Variants in KLHL32 observed in about 807,000 individuals in gnomAD.
KLHL32 encodes the protein kelch like family member 32.
KLHL32 carries 35 observed loss-of-function variants against 64.8 expected under a neutral mutation model. That is an observed-to-expected ratio of 0.54 (90% confidence interval 0.41 to 0.72). The LOEUF (loss-of-function observed/expected upper bound fraction) is 0.72. Ranked by LOEUF, KLHL32 falls within the 30% of genes least tolerant of loss-of-function variation. The pLI, the probability that KLHL32 is intolerant of heterozygous loss-of-function variation, is 0.00. For missense variants in KLHL32, 589 were observed against 768.5 expected, an observed-to-expected ratio of 0.77 and a Z score of 2.76; for synonymous variants, 259 against 281.0, an observed-to-expected ratio of 0.92 and a Z score of 0.78.
chr6:97,026,890 G>A (rs1457226491), intron 3 of KLHL32, among the ~76,000 whole-genome samples: 9 of 152,096 alleles, frequency 5.9e-5, no homozygotes, highest in African/African-American at 1.7e-4. Context: ...AGGGCTGGGC[G>A]TAGTGGCTTA....
At chr6:96,922,814 G>A (rs552112748), upstream of KLHL32, among the ~76,000 whole-genome samples, 1 of 152,202 alleles carries the variant, frequency 6.6e-6, no homozygotes, top group Admixed American at 6.5e-5. Context: ...GTTGAATTTT[G>A]GTGGCTATTG....
intron 5 of KLHL32, among the ~76,000 whole-genome samples, chr6:97,077,253 C>T (rs1368339720): frequency 6.6e-6 from 1 of 152,190 alleles, no homozygotes; most frequent in African/African-American, 2.4e-5. Flanking sequence ...CTTCCCCTTT[C>T]TCACAAGCTT....
chr6:97,129,627 A>G (rs1453567273), intron 8 of KLHL32, among the ~76,000 whole-genome samples: 1 of 152,158 alleles, frequency 6.6e-6, no homozygotes, highest in African/African-American at 2.4e-5. Flanking sequence ...CACACCTATA[A>G]TCCCAGCACT....
In KLHL32 at chr6:97,139,653, T is replaced by C. The variant is rs1300549712; in HGVS notation, c.*371T>C. On this transcript the variant is annotated 3_prime_UTR_variant, in exon 11 of 11. Transcript: ENST00000369261. ...AATGGCATCGATGATCTTAAAAATA[T>C]ATATATTCTGTACTTAATCCCTTTA... The C allele has an allele frequency of 1.2e-5, 2 of 162,286 alleles. No individual in the cohort carries two copies. Among genetic ancestry groups the C allele is most frequent in the Non-Finnish European group, 2.7e-5 (2 of 75,168 alleles). The allele number at this position is 162,286 out of a possible 1,614,324, so 10.1% of individuals were successfully genotyped here.
intron 2 of KLHL32, among the ~76,000 whole-genome samples, chr6:96,970,598 T>C (rs1349009960): frequency 1.3e-5 from 2 of 152,210 alleles, no homozygotes; most frequent in African/African-American, 4.8e-5. Flanking sequence ...TATGGTTTGC[T>C]CACCATTTTA....
chr6:97,139,347 G>T lies in KLHL32; in HGVS notation c.*65G>T, dbSNP rs949938371. 4 of 1,350,550 alleles carry T rather than the reference G, an allele frequency of 3.0e-6. No homozygotes were observed. Among genetic ancestry groups the T allele is most frequent in the East Asian group, 2.4e-5 (1 of 41,970 alleles). 83.7% of individuals were successfully genotyped at this position (1,350,550 alleles called of 1,614,324 possible). ...GACTGTTGGATACTGGGCATGAAAAGACTCAGTGCTCCATGCTTCCTTGTC... is the reference window on the plus strand; with the variant it reads ...GACTGTTGGATACTGGGCATGAAAATACTCAGTGCTCCATGCTTCCTTGTC... On this transcript the variant is annotated 3_prime_UTR_variant, in exon 11 of 11. Transcript: ENST00000369261.
At chr6:97,050,033 A>T (rs1786610081) in intron 4 of KLHL32, among the ~76,000 whole-genome samples, 2 of 152,134 alleles carry the variant, frequency 1.3e-5, no homozygotes, top group Admixed American at 1.3e-4. Context: ...TCTCTGTGCT[A>T]TCCAGTCAGA....
At chr6:97,057,551 C>CA (rs1167916376) in intron 4 of KLHL32, among the ~76,000 whole-genome samples, 6 of 147,944 alleles carry the variant, frequency 4.1e-5, no homozygotes, top group African/African-American at 1.5e-4. Flanking sequence ...TCTTTTACAC[C>CA]CCCCTCCCGC....
chr6:96,924,843 A>C lies in KLHL32; in HGVS notation c.-249A>C, dbSNP rs552300299. ...CACACACACACACACACACTTTCGCACACACAAACACGCTAGGACGCTCGT... is the reference window on the plus strand; with the variant it reads ...CACACACACACACACACACTTTCGCCCACACAAACACGCTAGGACGCTCGT... On this transcript the variant is annotated 5_prime_UTR_variant, in exon 1 of 11. Coordinates refer to ENST00000369261, the MANE Select transcript of KLHL32 (RefSeq NM_052904.4). 2.0e-5 allele frequency: 3 copies of C among 152,130 alleles called. No individual in the cohort carries two copies. The highest frequency in any genetic ancestry group is 2.0e-4 in the Admixed American group (3 of 15,252). The allele number at this position is 152,130 out of a possible 1,614,324, so 9.4% of individuals were successfully genotyped here.
the KLHL32 span, among the ~76,000 whole-genome samples, chr6:96,904,339 C>T: frequency 1.9e-5 from 2 of 106,072 alleles, no homozygotes; most frequent in South Asian, 3.2e-4. Flanking sequence ...AAGACTTTGT[C>T]AAAAAAAAAA....
intron 6 of KLHL32, among the ~76,000 whole-genome samples, chr6:97,107,262 C>T (rs1220136294): frequency 6.7e-6 from 1 of 149,690 alleles, no homozygotes; most frequent in East Asian, 1.9e-4. Flanking sequence ...CACTGCAGTC[C>T]GGCCTGGGCG....
intron 6 of KLHL32, among the ~76,000 whole-genome samples, chr6:97,095,792 A>G (rs147422790): frequency 3.3e-5 from 5 of 152,348 alleles, no homozygotes; most frequent in African/African-American, 1.2e-4. Flanking sequence ...AGTGTGTGTG[A>G]GAGTGAGGAT....
At chr6:97,010,355 A>ATATGTCTG (rs1367549186) in intron 3 of KLHL32, 1 of 152,158 alleles carries the variant, frequency 6.6e-6, no homozygotes, top group Non-Finnish European at 1.5e-5. Context: ...GGACTTGTTC[A>ATATGTCTG]TATGTCTGTC....
chr6:96,999,749 A>T (rs1778811560), intron 3 of KLHL32, among the ~76,000 whole-genome samples: 1 of 152,230 alleles, frequency 6.6e-6, no homozygotes, highest in African/African-American at 2.4e-5. Flanking sequence ...AGCTATTGGT[A>T]CTTCCTGAAT....
At chr6:97,064,282 G>T (rs1288260889) in intron 4 of KLHL32, among the ~76,000 whole-genome samples, 1 of 152,090 alleles carries the variant, frequency 6.6e-6, no homozygotes, top group African/African-American at 2.4e-5. Flanking sequence ...CAGTTCTTTT[G>T]CATTTTATAA....
chr6:97,006,591 G>A (rs1182066379), intron 3 of KLHL32, among the ~76,000 whole-genome samples: 1 of 151,948 alleles, frequency 6.6e-6, no homozygotes, highest in African/African-American at 2.4e-5. Context: ...TTGTGTAGTT[G>A]CTCTATATAC....
At chr6:96,923,925 T>G (rs1320709054), upstream of KLHL32, among the ~76,000 whole-genome samples, 1 of 152,242 alleles carries the variant, frequency 6.6e-6, no homozygotes, top group Non-Finnish European at 1.5e-5. Flanking sequence ...AGGAGTGACC[T>G]GAATGACTCG....
chr6:97,083,423 C>T (rs1792897656), intron 5 of KLHL32, among the ~76,000 whole-genome samples: 1 of 151,402 alleles, frequency 6.6e-6, no homozygotes, highest in Non-Finnish European at 1.5e-5. Flanking sequence ...TGGGGAATAA[C>T]AGAGATTCAG....
At chr6:97,024,924 C>G in intron 3 of KLHL32, 1 of 873,804 alleles carries the variant, frequency 1.1e-6, no homozygotes, top group Non-Finnish European at 1.4e-6. Flanking sequence ...CTTTTCTATG[C>G]TTTTAAGATT....
Sources: gnomAD v4.1 joint callset for allele counts (sites outside exome capture counted in the v4.1 genomes callset) on GRCh38, gnomAD v4.1.1 for gene constraint, MANE v1.5 for transcripts, NCBI Gene and HGNC (gene_info 2026-07-23, HGNC 2026-07-21) for gene names.